TYW1: variants seen among roughly 807,000 people sequenced by gnomAD.
TYW1 encodes tRNA-yW synthesizing protein 1 homolog.
TYW1 carries 46 observed loss-of-function variants against 96.2 expected under a neutral mutation model. The ratio of observed to expected loss-of-function variants is 0.48; its 90% confidence interval spans 0.38 to 0.61. The LOEUF (loss-of-function observed/expected upper bound fraction) is 0.61, where lower values mean the gene tolerates loss of function less well. Ranked by LOEUF, TYW1 falls within the 20% of genes least tolerant of loss-of-function variation. TYW1 has a pLI of 0.00. For synonymous variants in TYW1, 274 were observed against 323.0 expected (o/e 0.85, Z 1.63); for missense variants, 684 against 909.6 (o/e 0.75, Z 3.19).
intron 7 of TYW1, among the ~76,000 whole-genome samples, chr7:67,037,717 C>T (rs921163684): frequency 6.6e-6 from 1 of 152,004 alleles, no homozygotes; most frequent in Non-Finnish European, 1.5e-5. Context: ...CCTGTAATCC[C>T]AGCACTTTGG....
At chr7:67,076,451 C>T (rs1436199558) in intron 10 of TYW1, among the ~76,000 whole-genome samples, 2 of 152,064 alleles carry the variant, frequency 1.3e-5, no homozygotes, top group African/African-American at 4.8e-5. Flanking sequence ...ATTTATAAAC[C>T]TTAAATAGGA....
chr7:67,075,857 C>T (rs1796186030), intron 10 of TYW1, among the ~76,000 whole-genome samples: 1 of 152,146 alleles, frequency 6.6e-6, no homozygotes, highest in Non-Finnish European at 1.5e-5. Flanking sequence ...AGACTTTCCT[C>T]CCCATCTAAT....
intron 12 of TYW1, among the ~76,000 whole-genome samples, chr7:67,107,921 T>C (rs1797290923): frequency 6.7e-6 from 1 of 149,458 alleles, no homozygotes; most frequent in African/African-American, 2.5e-5. Flanking sequence ...CTGTCTCCTA[T>C]GCTGGAGTGC....
chr7:67,047,641 CT>C (rs201219287), intron 7 of TYW1, among the ~76,000 whole-genome samples: 9,452 of 140,696 alleles, frequency 0.067, 362 homozygotes, highest in Middle Eastern at 0.14. Flanking sequence ...CTTAATGCGA[CT>C]TTTTTTTTTT....
intron 15 of TYW1, among the ~76,000 whole-genome samples, chr7:67,208,264 T>C (rs1800876531): frequency 6.6e-6 from 1 of 151,926 alleles, no homozygotes; most frequent in South Asian, 2.1e-4. Flanking sequence ...GTGGTTGCAG[T>C]GAGCAGAGAT....
At chr7:66,998,004 G>A in intron 1 of TYW1, 61 bp from the exon 2 acceptor site, 1 of 1,492,212 alleles carries the variant, frequency 6.7e-7, no homozygotes, top group Non-Finnish European at 8.9e-7. Flanking sequence ...TCTTAAAATT[G>A]GGATGGATAT....
At chr7:67,081,470 A>G (rs543652879) in intron 10 of TYW1, among the ~76,000 whole-genome samples, 2 of 146,088 alleles carry the variant, frequency 1.4e-5, no homozygotes, top group East Asian at 4.1e-4. Context: ...AGCTTGCTTG[A>G]TCTGAATGTC....
intron 12 of TYW1, among the ~76,000 whole-genome samples, chr7:67,102,892 G>A (rs1333550544): frequency 1.4e-4 from 21 of 152,084 alleles, no homozygotes; most frequent in Non-Finnish European, 2.4e-4. Context: ...CTCGTAATCC[G>A]CCCGCCTTGG....
intron 3 of TYW1, among the ~76,000 whole-genome samples, chr7:67,008,654 CTTTCTT>C (rs1249476667): frequency 1.3e-5 from 2 of 152,110 alleles, no homozygotes; most frequent in East Asian, 3.8e-4. Context: ...ACTCTTCACT[CTTTCTT>C]TTATTTTATT....
intron 7 of TYW1, among the ~76,000 whole-genome samples, chr7:67,045,379 TA>T (rs59688288): frequency 0.29 from 44,436 of 151,266 alleles, 6,720 homozygotes; most frequent in East Asian, 0.46. Context: ...CCTGGCTAAT[TA>T]AAAAAAAATT....
intron 13 of TYW1, among the ~76,000 whole-genome samples, chr7:67,171,933 T>C (rs1161879651): frequency 3.9e-5 from 6 of 152,186 alleles, no homozygotes; most frequent in Non-Finnish European, 8.8e-5. Context: ...CCCAAAAATT[T>C]TCTCTCTAGT....
chr7:67,099,031 A>ATT (rs11297642), intron 12 of TYW1, among the ~76,000 whole-genome samples: 3 of 140,098 alleles, frequency 2.1e-5, no homozygotes, highest in African/African-American at 8.6e-5. Flanking sequence ...TATTATTATT[A>ATT]TTTTTTTTTT....
chr7:67,238,906 C>T lies in TYW1; in HGVS notation c.*377C>T, dbSNP rs1233145275. On this transcript the variant is annotated 3_prime_UTR_variant, in exon 16 of 16. Coordinates refer to ENST00000359626, the MANE Select transcript of TYW1 (RefSeq NM_018264.4). ...AGTCCCTGGGCCTCTTCCCCTTACC[C>T]GGCCCTTAGATTTCATGGAGCAGCC... 7.4e-5 allele frequency: 78 copies of T among 1,047,956 alleles called. No individual in the cohort carries two copies. Among genetic ancestry groups the T allele is most frequent in the African/African-American group, 1.0e-4 (6 of 59,986 alleles). 64.9% of individuals were successfully genotyped at this position (1,047,956 alleles called of 1,614,324 possible).
chr7:67,214,145 A>G (rs1801132616), intron 15 of TYW1, among the ~76,000 whole-genome samples: 1 of 152,226 alleles, frequency 6.6e-6, no homozygotes, highest in South Asian at 2.1e-4. Flanking sequence ...TGAACATGGA[A>G]TATCCTCCCA....
At chr7:67,193,228 C>T (rs1463864409) in intron 14 of TYW1, among the ~76,000 whole-genome samples, 1 of 152,180 alleles carries the variant, frequency 6.6e-6, no homozygotes, top group Non-Finnish European at 1.5e-5. Flanking sequence ...TCAGCTTGAA[C>T]TCCGTTTAAT....
At chr7:67,038,819 G>A (rs1271532206) in intron 7 of TYW1, among the ~76,000 whole-genome samples, 1 of 151,950 alleles carries the variant, frequency 6.6e-6, no homozygotes, top group East Asian at 1.9e-4. Context: ...CAGGAGAATC[G>A]CTTGAACCCC....
chr7:67,204,751 G>A (rs1017721252), intron 15 of TYW1, among the ~76,000 whole-genome samples: 28 of 151,798 alleles, frequency 1.8e-4, no homozygotes, highest in Admixed American at 2.0e-4. Flanking sequence ...GTACCACCAT[G>A]CCCAGCTAAT....
At chr7:67,048,389 G>C (rs1050180286) in intron 7 of TYW1, among the ~76,000 whole-genome samples, 1 of 150,652 alleles carries the variant, frequency 6.6e-6, no homozygotes, top group African/African-American at 2.4e-5. Flanking sequence ...TAGGGCCACT[G>C]CCTGGATGAG....
At chr7:67,222,107 G>T (rs1479411777) in intron 15 of TYW1, among the ~76,000 whole-genome samples, 2 of 152,160 alleles carry the variant, frequency 1.3e-5, no homozygotes, top group East Asian at 1.9e-4. Context: ...TGAGGCACGA[G>T]AATTGCTTGA....
Sources: allele counts gnomAD v4.1 joint callset (sites outside exome capture counted in the v4.1 genomes callset), GRCh38; gene constraint gnomAD v4.1.1; transcripts MANE v1.5; gene names NCBI Gene and HGNC (gene_info 2026-07-23, HGNC 2026-07-21).